Variants in TBC1D21 observed in about 807,000 individuals in gnomAD.
The protein encoded by TBC1D21 is TBC1 domain family member 21.
Under a neutral mutation model 46.0 loss-of-function variants are expected in TBC1D21, and 38 were observed. That is an observed-to-expected ratio of 0.83 (90% CI 0.64 to 1.08). The LOEUF (loss-of-function observed/expected upper bound fraction) is 1.08. Ranked by LOEUF, TBC1D21 falls within the 50% of genes least tolerant of loss-of-function variation. The probability of loss-of-function intolerance (pLI) is 0.00; values close to 1 mark genes in which losing one functional copy is unlikely to be tolerated. For synonymous variants in TBC1D21, 151 were observed against 157.2 expected (o/e 0.96, Z 0.29); for missense variants, 415 against 417.9 (o/e 0.99, Z 0.06).
chr15:73,886,611 AGGTGAGGTG>A lies in TBC1D21; in HGVS notation c.777_777+8del, dbSNP rs752960749. 2.5e-6 allele frequency: 4 copies of A among 1,613,064 alleles called. No homozygotes were observed. The highest frequency in any genetic ancestry group is 3.4e-6 in the Non-Finnish European group (4 of 1,179,942). ...TTCGATGATGTCTGGAGGCTCTGGG[AGGTGAGGTG>A]TCCAGCTAGGGATCATCAGGCTGGG... On this transcript the variant is annotated splice_donor_variant and splice_donor_5th_base_variant and coding_sequence_variant and intron_variant, in exon 8 of 11. Coordinates refer to ENST00000300504, the MANE Select transcript of TBC1D21 (RefSeq NM_153356.3). LOFTEE classifies it high-confidence loss of function.
the TBC1D21 span, among the ~76,000 whole-genome samples, chr15:73,898,880 A>AATATATATATATATATATAT: frequency 4.4e-4 from 25 of 56,768 alleles, no homozygotes; most frequent in African/African-American, 8.0e-4. Flanking sequence ...AAAAAAAAAA[A>AATATATATATATATATATAT]ATATATATAT....
chr15:73,885,935 A>T, intron 6 of TBC1D21, 143 bp from the exon 7 acceptor site: 1 of 648,820 alleles, frequency 1.5e-6, no homozygotes, highest in South Asian at 1.9e-5. Flanking sequence ...TCACACACAC[A>T]CACTCAGACT....
At position 73,881,755 on chromosome 15, in the gene TBC1D21, A is replaced by C; in HGVS notation, c.272+8A>C. 6.2e-7 allele frequency: 1 copy of C among 1,611,928 alleles called. No individual in the cohort carries two copies. Among genetic ancestry groups the C allele is most frequent in the Non-Finnish European group, 8.5e-7 (1 of 1,179,088 alleles). ...GGTGGACAGCATGAGGAGGTAGAAC[A>C]CTCCAGACCCTGCTGGGACAGGAGG... On this transcript the variant is annotated splice_region_variant and intron_variant, in intron 3 of 10. Coordinates refer to ENST00000300504, the MANE Select transcript of TBC1D21 (RefSeq NM_153356.3).
rs763865538 is a variant in TBC1D21 at position 73,881,454 on chromosome 15, G to C, written c.116G>C (p.Ser39Thr). ...KTEWDSFFDE[S>T]GHLAKSRDFI... Reference sequence around the variant, plus strand: ...GAATGGGACAGCTTCTTTGATGAGAGTGGCCACTTGGCCAAATCACGGGAC... The same window carrying C: ...GAATGGGACAGCTTCTTTGATGAGACTGGCCACTTGGCCAAATCACGGGAC... Residue 39 changes from serine (S) to threonine (T), a missense_variant, in exon 2 of 11, where the codon AGT becomes ACT. Ser to Thr is a moderately conservative substitution (Grantham distance 58). Transcript: ENST00000300504. 6.2e-7 allele frequency: 1 copy of C among 1,614,120 alleles called. No homozygotes were observed. The highest frequency in any genetic ancestry group is 1.3e-5 in the African/African-American group (1 of 74,954).
the TBC1D21 span, among the ~76,000 whole-genome samples, chr15:73,895,595 C>G: frequency 6.6e-6 from 1 of 152,192 alleles, no homozygotes; most frequent in African/African-American, 2.4e-5. Flanking sequence ...ACCCGAACAC[C>G]GGTAGTGCAG....
chr15:73,889,125 T>G lies in TBC1D21; in HGVS notation c.*24T>G, dbSNP rs913182610. On this transcript the variant is annotated 3_prime_UTR_variant, in exon 11 of 11. Coordinates refer to ENST00000300504, the MANE Select transcript of TBC1D21 (RefSeq NM_153356.3). ...GAGGACACCAAAGCCCGCAGTGGACTGATGCCTTCGATGGGCAGGATGAAG... is the reference window on the plus strand; with the variant it reads ...GAGGACACCAAAGCCCGCAGTGGACGGATGCCTTCGATGGGCAGGATGAAG... 6.2e-7 allele frequency: 1 copy of G among 1,610,608 alleles called. No homozygotes were observed. The highest frequency in any genetic ancestry group is 8.5e-7 in the Non-Finnish European group (1 of 1,178,302).
At chr15:73,904,775 A>G in the TBC1D21 span, among the ~76,000 whole-genome samples, 1 of 152,078 alleles carries the variant, frequency 6.6e-6, no homozygotes. Flanking sequence ...AAAGAGAGAG[A>G]CTCCAAAAGA....
At chr15:73,901,807 C>A in the TBC1D21 span, among the ~76,000 whole-genome samples, 1 of 151,898 alleles carries the variant, frequency 6.6e-6, no homozygotes, top group East Asian at 1.9e-4. Context: ...ATCTCAAGAT[C>A]CCTTTTTTTT....
At position 73,887,614 on chromosome 15, in the gene TBC1D21, C is replaced by T. The variant is rs374831326; in HGVS notation, c.778-6C>T. On this transcript the variant is annotated splice_polypyrimidine_tract_variant and splice_region_variant and intron_variant, in intron 8 of 10. Transcript: ENST00000300504. ...AGGGCCCAGACTGAGACGTCCTGAC[C>T]CACAGGTTCTGCTGACGGGGAAGCC... is the stretch of plus-strand genomic sequence containing the variant. 1 of 1,613,524 alleles carries T rather than the reference C, an allele frequency of 6.2e-7. No homozygotes were observed. Among genetic ancestry groups the T allele is most frequent in the Non-Finnish European group, 8.5e-7 (1 of 1,179,604 alleles).
chr15:73,900,611 C>T, the TBC1D21 span, among the ~76,000 whole-genome samples: 1 of 152,138 alleles, frequency 6.6e-6, no homozygotes, highest in Non-Finnish European at 1.5e-5. Context: ...GAGTCTCAGG[C>T]CCAGGCACAA....
At chr15:73,876,314 G>A (rs1198178948) in intron 1 of TBC1D21, among the ~76,000 whole-genome samples, 14 of 132,352 alleles carry the variant, frequency 1.1e-4, no homozygotes, top group Non-Finnish European at 1.7e-4. Context: ...TGCAAGCTCC[G>A]CCTCCTGGGT....
chr15:73,898,880 A>AAAAAAAAAAAAAATATAT, the TBC1D21 span, among the ~76,000 whole-genome samples: 3 of 56,798 alleles, frequency 5.3e-5, no homozygotes, highest in East Asian at 3.6e-4. Flanking sequence ...AAAAAAAAAA[A>AAAAAAAAAAAAAATATAT]ATATATATAT....
downstream of TBC1D21, among the ~76,000 whole-genome samples, chr15:73,893,352 A>G (rs2068351965): frequency 6.6e-6 from 1 of 152,214 alleles, no homozygotes; most frequent in South Asian, 2.1e-4. Context: ...CACCGTGGCC[A>G]TGAGCATAAA....
intron 7 of TBC1D21, 25 bp from the exon 8 acceptor site, chr15:73,886,487 A>G: frequency 1.2e-6 from 2 of 1,606,934 alleles, no homozygotes; most frequent in Non-Finnish European, 1.7e-6. Flanking sequence ...TCCCCTGACC[A>G]CAGCCTCACC....
At position 73,873,733 on chromosome 15, in the gene TBC1D21, C is replaced by G; in HGVS notation, c.24C>G (p.Asn8Lys). Residue 8 changes from asparagine to lysine, a missense_variant, in exon 1 of 11, where the codon AAC becomes AAG. Coordinates refer to ENST00000300504, the MANE Select transcript of TBC1D21 (RefSeq NM_153356.3). ...CCATGACCACCCTCTCTCCTGAAAA[C>G]AGCCTCTCTGCCAGACAGTCAGCCT... MTTLSPE[N>K]SLSARQSASF... 6.2e-7 allele frequency: 1 copy of G among 1,609,472 alleles called. No homozygotes were observed. The highest frequency in any genetic ancestry group is 1.1e-5 in the South Asian group (1 of 90,016).
In TBC1D21 at chr15:73,874,502, T is replaced by C. The variant is rs79574766; in HGVS notation, c.60+733T>C. On this transcript the variant is annotated intron_variant, in intron 1 of 10. Transcript: ENST00000300504. ...TCATTCTCATCACAACTCTATGAAG[T>C]GAATAATGCTGTTGTCTTCCTTTTA... Among the ~76,000 whole-genome samples the C allele has an allele frequency of 1.9e-4, 29 of 152,344 alleles. No homozygotes were observed. The East Asian group carries it at 5.6e-3, about 29-fold the overall frequency.
the TBC1D21 span, among the ~76,000 whole-genome samples, chr15:73,898,880 A>AAAAAAAAAATATATATATATAT: frequency 1.1e-3 from 61 of 56,754 alleles, no homozygotes; most frequent in Non-Finnish European, 2.2e-3. Context: ...AAAAAAAAAA[A>AAAAAAAAAATATATATATATAT]ATATATATAT....
chr15:73,876,011 G>A (rs2068053012), intron 1 of TBC1D21, among the ~76,000 whole-genome samples: 1 of 151,984 alleles, frequency 6.6e-6, no homozygotes, highest in Non-Finnish European at 1.5e-5. Context: ...GGGCTTCTAA[G>A]TGACATTTCC....
the TBC1D21 span, among the ~76,000 whole-genome samples, chr15:73,900,553 G>C: frequency 6.6e-6 from 1 of 152,208 alleles, no homozygotes; most frequent in Admixed American, 6.5e-5. Flanking sequence ...TGGGCAAAGG[G>C]AGGTACAGCA....
Sources: allele counts gnomAD v4.1 joint callset (sites outside exome capture counted in the v4.1 genomes callset), GRCh38; gene constraint gnomAD v4.1.1; transcripts MANE v1.5; gene names NCBI Gene and HGNC (gene_info 2026-07-23, HGNC 2026-07-21).